The following RAP1A variants were observed in gnomAD, a reference collection of about 807,000 sequenced individuals.
RAP1A encodes the protein ras-related protein Rap-1A.
RAP1A carries 6 observed loss-of-function variants against 26.4 expected under a neutral mutation model. The observed-to-expected ratio is 0.23, with a 90% CI of 0.12 to 0.45. The LOEUF is 0.45. Among genes scored for constraint, RAP1A ranks in the 20% least tolerant of loss-of-function variants. RAP1A has a pLI of 0.99. For synonymous variants in RAP1A, 73 were observed against 79.4 expected (o/e 0.92, Z 0.43); for missense variants, 121 against 217.2 (o/e 0.56, Z 2.78).
intron 1 of RAP1A, among the ~76,000 whole-genome samples, chr1:111,681,501 C>G (rs937589089): frequency 6.6e-6 from 1 of 152,122 alleles, no homozygotes; most frequent in South Asian, 2.1e-4. Context: ...TAGAGAAGAA[C>G]ATAAATGACC....
intron 1 of RAP1A, among the ~76,000 whole-genome samples, chr1:111,685,212 G>A (rs1245691293): frequency 2.6e-5 from 4 of 152,134 alleles, no homozygotes; most frequent in African/African-American, 9.7e-5. Flanking sequence ...ACATAGGCAT[G>A]GGCAAAGTCT....
chr1:111,655,163 G>C (rs1660408312), intron 1 of RAP1A, among the ~76,000 whole-genome samples: 1 of 150,224 alleles, frequency 6.7e-6, no homozygotes, highest in South Asian at 2.1e-4. Context: ...ATCCTTAGCA[G>C]TTATAAACCA....
intron 1 of RAP1A, among the ~76,000 whole-genome samples, chr1:111,560,794 G>A (rs1478145899): frequency 6.6e-6 from 1 of 152,068 alleles, no homozygotes; most frequent in South Asian, 2.1e-4. Flanking sequence ...ACCTGGCTGG[G>A]TAAATAGTTC....
chr1:111,647,650 T>G (rs1380955102), intron 1 of RAP1A, among the ~76,000 whole-genome samples: 1 of 152,234 alleles, frequency 6.6e-6, no homozygotes, highest in African/African-American at 2.4e-5. Context: ...TTGATATGGC[T>G]AATGTTTCAA....
chr1:111,651,554 G>A (rs1003549422), intron 1 of RAP1A, among the ~76,000 whole-genome samples: 3 of 144,204 alleles, frequency 2.1e-5, no homozygotes, highest in African/African-American at 7.7e-5. Flanking sequence ...TTGGCTCGCT[G>A]TCACCTCTGC....
At chr1:111,608,543 G>C (rs1488949965) in intron 1 of RAP1A, 1 of 167,776 alleles carries the variant, frequency 6.0e-6, no homozygotes, top group East Asian at 1.8e-4. Context: ...GGGAGGCCAA[G>C]GCAGGCGGCT....
At chr1:111,588,071 A>T (rs957939502) in intron 1 of RAP1A, among the ~76,000 whole-genome samples, 8 of 152,296 alleles carry the variant, frequency 5.3e-5, no homozygotes, top group Middle Eastern at 3.4e-3. Flanking sequence ...TGCGTTGATG[A>T]TAACAGGTCT....
At position 111,572,670 on chromosome 1, in the gene RAP1A, T is replaced by A. The variant is rs571080298; in HGVS notation, c.-28+30161T>A. 9.8e-5 allele frequency among the ~76,000 whole-genome samples: 15 copies of A among 152,338 alleles called. No homozygotes were observed. The South Asian group carries it at 2.9e-3, about 29-fold the overall frequency. On this transcript the variant is annotated intron_variant, in intron 1 of 7. Transcript: ENST00000356415. The stretch of plus-strand genomic sequence containing the variant: ...TCCTCTATCTTTTCGAGGCCCAGGC[T>A]AAGAAATAGGAGGATGACCAACTAT...
chr1:111,674,349 A>C (rs1308122494), intron 1 of RAP1A, among the ~76,000 whole-genome samples: 1 of 151,484 alleles, frequency 6.6e-6, no homozygotes, highest in African/African-American at 2.4e-5. Context: ...CTAGTGTCCC[A>C]CACAAAACTC....
At chr1:111,617,926 C>T (rs1421627178), upstream of RAP1A, among the ~76,000 whole-genome samples, 1 of 151,722 alleles carries the variant, frequency 6.6e-6, no homozygotes, top group Non-Finnish European at 1.5e-5. Flanking sequence ...GACTGTAATC[C>T]CAGCTGCTTT....
chr1:111,648,581 C>T, intron 1 of RAP1A: 1 of 540,260 alleles, frequency 1.9e-6, no homozygotes, highest in East Asian at 4.4e-5. Flanking sequence ...GCTGCTCCAT[C>T]TGCAGGAAGT....
At chr1:111,684,500 A>G (rs1049913569) in intron 1 of RAP1A, among the ~76,000 whole-genome samples, 2 of 152,186 alleles carry the variant, frequency 1.3e-5, no homozygotes, top group African/African-American at 4.8e-5. Context: ...TACACTAATA[A>G]CAGCCAAATC....
intron 1 of RAP1A, among the ~76,000 whole-genome samples, chr1:111,544,133 T>C (rs1367621685): frequency 6.6e-6 from 1 of 152,178 alleles, no homozygotes; most frequent in Non-Finnish European, 1.5e-5. Flanking sequence ...AACTAACTTA[T>C]CTCTGTTAAT....
chr1:111,709,366 C>G, intron 7 of RAP1A, 102 bp downstream of exon 7: 1 of 1,272,542 alleles, frequency 7.9e-7, no homozygotes, highest in South Asian at 1.9e-5. Flanking sequence ...TATTTCTAAG[C>G]TTCTGTAACT....
intron 4 of RAP1A, among the ~76,000 whole-genome samples, chr1:111,699,479 T>TTTTTTTTTTTTTG (rs374442188): frequency 2.2e-5 from 3 of 139,024 alleles, no homozygotes; most frequent in Non-Finnish European, 4.7e-5. Context: ...TTTTTTTTTT[T>TTTTTTTTTTTTTG]GAAACAGGGT....
chr1:111,590,163 T>C (rs1211506350), intron 1 of RAP1A, among the ~76,000 whole-genome samples: 1 of 147,676 alleles, frequency 6.8e-6, no homozygotes, highest in Non-Finnish European at 1.5e-5. Flanking sequence ...CTGAACTCTC[T>C]TAATAGTTTG....
Position 111,709,209 on chromosome 1 carries a change from A to G in RAP1A, c.529A>G (p.Lys177Glu). The part of the protein sequence containing the change: ...RKTPVEKKKP[K>E]KKSCLLL ...AACACCAGTGGAAAAGAAGAAGCCT[A>G]AAAAGAAATCATGTCTGCTGCTCTA... The change falls in exon 7 of 8, where the codon AAA becomes GAA. Residue 177 changes from lysine (K) to glutamate (E), a missense_variant. Lys to Glu is a moderately conservative substitution (Grantham distance 56, BLOSUM62 1). Transcript: ENST00000369709. 6.2e-7 allele frequency: 1 copy of G among 1,613,740 alleles called. No individual in the cohort carries two copies. Among genetic ancestry groups the G allele is most frequent in the Non-Finnish European group, 8.5e-7 (1 of 1,179,880 alleles).
chr1:111,672,888 T>C (rs1661017625), intron 1 of RAP1A, among the ~76,000 whole-genome samples: 2 of 152,218 alleles, frequency 1.3e-5, no homozygotes, highest in Non-Finnish European at 1.5e-5. Context: ...TTGGCATTCA[T>C]TGGGTGTTTG....
intron 1 of RAP1A, among the ~76,000 whole-genome samples, chr1:111,670,676 C>A (rs1383118342): frequency 1.3e-5 from 2 of 152,076 alleles, no homozygotes; most frequent in African/African-American, 4.8e-5. Context: ...AAGTAACAAA[C>A]CTGGTAAAAT....
Sources: allele counts gnomAD v4.1 joint callset (sites outside exome capture counted in the v4.1 genomes callset), GRCh38; gene constraint gnomAD v4.1.1; transcripts MANE v1.5; gene names NCBI Gene and HGNC (gene_info 2026-07-23, HGNC 2026-07-21).